The following RAB11FIP1 variants were observed in gnomAD, a reference collection of about 807,000 sequenced individuals.
The protein encoded by RAB11FIP1 is RAB11 family interacting protein 1, also known as rab11 family-interacting protein 1.
In RAB11FIP1, 49 loss-of-function variants were observed where a neutral mutation model predicts 83.1. That is an observed-to-expected ratio of 0.59 (90% CI 0.47 to 0.75). RAB11FIP1 has a LOEUF of 0.75. RAB11FIP1 is among the 30% of genes least tolerant of loss of function. The probability of loss-of-function intolerance (pLI) is 0.00; values close to 1 mark genes in which losing one functional copy is unlikely to be tolerated. For missense variants in RAB11FIP1, 1,536 were observed against 1,598.7 expected, an observed-to-expected ratio of 0.96 and a Z score of 0.67; for synonymous variants, 670 against 656.0, an observed-to-expected ratio of 1.02 and a Z score of -0.33.
chr8:37,867,457 C>T (rs1195372106), intron 5 of RAB11FIP1, among the ~76,000 whole-genome samples: 1 of 152,198 alleles, frequency 6.6e-6, no homozygotes, highest in African/African-American at 2.4e-5. Context: ...GTAATCCCAA[C>T]ACTTTGGGAG....
rs1585429973 is a variant in RAB11FIP1, at chr8:37,870,635, T to C, written c.3525-107A>G. On this transcript the variant is annotated intron_variant, in intron 4 of 5. Coordinates refer to ENST00000330843, the MANE Select transcript of RAB11FIP1 (RefSeq NM_001002814.3). ...GTAAGCCAGACAAGGGGCAGGTGGGTCACATGCTGCCCTCATCTCTGGGCC... is the reference window on the plus strand; with the variant it reads ...GTAAGCCAGACAAGGGGCAGGTGGGCCACATGCTGCCCTCATCTCTGGGCC... The C allele has an allele frequency of 1.9e-5, 12 of 620,736 alleles. No individual in the cohort carries two copies. The South Asian group carries it at 2.2e-4, about 11-fold the overall frequency. 38.5% of individuals were successfully genotyped at this position (620,736 alleles called of 1,614,324 possible).
Position 37,875,300 on chromosome 8 carries a change from C to T in RAB11FIP1, c.837G>A (p.Ala279=), listed in dbSNP as rs144026346. ...ASDVMSHKRT[A]STDLKQLNQV... is the part of the protein sequence containing the mutation. ...GGTTCAGTTGCTTAAGATCCGTACT[C>T]GCTGTTCTCTTGTGAGACATGACTT... The change falls in exon 3 of 6, where the codon GCG becomes GCA. Residue 279 remains alanine (A), a synonymous_variant. Transcript: ENST00000330843. 35 of 1,612,006 alleles carry T rather than the reference C, an allele frequency of 2.2e-5. No homozygotes were observed. Among genetic ancestry groups the T allele is most frequent in the Non-Finnish European group, 2.7e-5 (32 of 1,179,246 alleles).
In RAB11FIP1 at chr8:37,899,320, G is replaced by T; in HGVS notation, c.122C>A (p.Ala41Glu). 1 of 1,609,584 alleles carries T rather than the reference G, an allele frequency of 6.2e-7. No homozygotes were observed. The highest frequency in any genetic ancestry group is 8.5e-7 in the Non-Finnish European group (1 of 1,178,724). ...RAKGPGGTSDAYAVIQVGKEK... is the reference protein window; with the variant it reads ...RAKGPGGTSDEYAVIQVGKEK... Reference sequence around the variant, plus strand: ...CTTGCCCACCTGGATCACCGCGTACGCGTCGCTCGTGCCCCCGGGGCCCTT... The same window carrying T: ...CTTGCCCACCTGGATCACCGCGTACTCGTCGCTCGTGCCCCCGGGGCCCTT... The change falls in exon 1 of 6, where the codon GCG (alanine) becomes GAG (glutamate). Residue 41 changes from alanine to glutamate, a missense_variant. By Grantham distance (107) the Ala-to-Glu change is moderately radical (BLOSUM62 -1). Transcript: ENST00000330843. The surrounding 1 kb of genome is among the most constrained non-coding windows in gnomAD (Gnocchi z 4.5).
chr8:37,899,139 G>A lies in RAB11FIP1; in HGVS notation c.303C>T (p.Asp101=), dbSNP rs774534880. 1.9e-6 allele frequency: 3 copies of A among 1,544,014 alleles called. No homozygotes were observed. The highest frequency in any genetic ancestry group is 2.8e-5 in the African/African-American group (2 of 71,392). The stretch of plus-strand genomic sequence containing the variant: ...CCACCTCGGCGCGGCCCAGGAACTT[G>A]TCGAGGCCGAGCAGCGCGCGGTGCA... ...TVLHRALLGL[D]KFLGRAEVDL... is the part of the protein sequence containing the mutation. The change falls in exon 1 of 6, where the codon GAC becomes GAT. Residue 101 remains aspartate, a synonymous_variant. Coordinates refer to ENST00000330843, the MANE Select transcript of RAB11FIP1 (RefSeq NM_001002814.3). This position sits in a 1 kb window ranked among gnomAD's most constrained non-coding sequence, Gnocchi z 4.5.
At position 37,877,256 on chromosome 8, in the gene RAB11FIP1, T is replaced by C; in HGVS notation, c.667A>G (p.Lys223Glu). ...AGAGGCGTCTTCTGCAAATTTGACT[T>C]GGAAAGTAAGGTCTTGATCTTTGAT... ...KKSKIKTLLS[K>E]SNLQKTPLSQ... The change falls in exon 2 of 6, where the codon AAG becomes GAG. Residue 223 changes from lysine to glutamate, a missense_variant. Physicochemically the swap from Lys to Glu is moderately conservative, Grantham distance 56. Transcript: ENST00000330843. 1 of 1,614,178 alleles carries C rather than the reference T, an allele frequency of 6.2e-7. No individual in the cohort carries two copies. The highest frequency in any genetic ancestry group is 8.5e-7 in the Non-Finnish European group (1 of 1,180,018).
chr8:37,888,790 CTTTTTT>C (rs35214439), intron 1 of RAB11FIP1, among the ~76,000 whole-genome samples: 9 of 100,650 alleles, frequency 8.9e-5, no homozygotes, highest in Non-Finnish European at 3.9e-5. Flanking sequence ...CGTTCTGCAA[CTTTTTT>C]TTTTTTTTTT....
intron 1 of RAB11FIP1, among the ~76,000 whole-genome samples, chr8:37,895,387 A>G (rs1224667997): frequency 1.4e-5 from 2 of 142,146 alleles, no homozygotes; most frequent in African/African-American, 5.3e-5. Flanking sequence ...CTAGGATTAC[A>G]GGTAGGAACC....
At position 37,859,142 on chromosome 8, in the gene RAB11FIP1, G is replaced by T. The variant is rs531461071; in HGVS notation, c.*3753C>A. The T allele has an allele frequency of 6.6e-6, 1 of 151,812 alleles. No individual in the cohort carries two copies. The highest frequency in any genetic ancestry group is 1.5e-5 in the Non-Finnish European group (1 of 68,046). The allele number at this position is 151,812 out of a possible 1,614,324, so 9.4% of individuals were successfully genotyped here. A position where few individuals can be genotyped will look rare whatever the true frequency, so the allele number is the denominator to read the frequency against. ...AAGTAGCTCACACAGTAGATATGGA[G>T]ACACCATATGGAGATACGGAGTTAA... On this transcript the variant is annotated 3_prime_UTR_variant, in exon 6 of 6. Coordinates refer to ENST00000330843, the MANE Select transcript of RAB11FIP1 (RefSeq NM_001002814.3).
At position 37,867,689 on chromosome 8, in the gene RAB11FIP1, CA is replaced by C. The variant is rs530653185; in HGVS notation, c.3633+2730del. The stretch of plus-strand genomic sequence containing the variant: ...ACCATTGCACTCCAGCCTGATCAAC[CA>C]GAGCGAAAATCCATCAAAAAAGAAA... On this transcript the variant is annotated intron_variant, in intron 5 of 5. Transcript: ENST00000330843. Among the ~76,000 whole-genome samples, 8 of 148,664 alleles carry C rather than the reference CA, an allele frequency of 5.4e-5. No homozygotes were observed. The South Asian group carries it at 1.7e-3, about 32-fold the overall frequency.
rs563489654 is a variant in RAB11FIP1, at chr8:37,890,289, G to A, written c.371+8782C>T. On this transcript the variant is annotated intron_variant, in intron 1 of 5. Transcript: ENST00000330843. ...CCTCTTTAGACCAGGCTTTCTAGAG[G>A]CCTTAATTGTTCTACCTAGACGCTA... is the stretch of plus-strand genomic sequence containing the variant. Among the ~76,000 whole-genome samples the A allele has an allele frequency of 2.6e-5, 4 of 152,256 alleles. No homozygotes were observed. The East Asian group carries it at 7.7e-4, about 29-fold the overall frequency.
chr8:37,889,517 A>G (rs1160600196), intron 1 of RAB11FIP1, among the ~76,000 whole-genome samples: 1 of 152,200 alleles, frequency 6.6e-6, no homozygotes, highest in Non-Finnish European at 1.5e-5. Context: ...TTGTTCTGTC[A>G]AAGAATATTG....
chr8:37,876,214 AAAGGAAGGAAGGAAGG>A (rs71216633), intron 2 of RAB11FIP1, among the ~76,000 whole-genome samples: 229 of 128,384 alleles, frequency 1.8e-3, no homozygotes, highest in African/African-American at 5.6e-3. Context: ...GAAAAGAAAG[AAAGGAAGGAAGGAAGG>A]AAGGAAGGAA....
In RAB11FIP1 at chr8:37,871,258, C is replaced by G. The variant is rs368769259; in HGVS notation, c.3524+20G>C. The G allele has an allele frequency of 4.4e-6, 7 of 1,580,202 alleles. No homozygotes were observed. Among genetic ancestry groups the G allele is most frequent in the Non-Finnish European group, 6.0e-6 (7 of 1,166,508 alleles). On this transcript the variant is annotated intron_variant, in intron 4 of 5. Coordinates refer to ENST00000330843, the MANE Select transcript of RAB11FIP1 (RefSeq NM_001002814.3). ...GGGACATTGCTCACATTTACATAGACAATCTCCCCCATCTCTCACCTGTGC... is the reference window on the plus strand; with the variant it reads ...GGGACATTGCTCACATTTACATAGAGAATCTCCCCCATCTCTCACCTGTGC...
At chr8:37,886,109 G>C (rs554687187) in intron 1 of RAB11FIP1, among the ~76,000 whole-genome samples, 2 of 152,228 alleles carry the variant, frequency 1.3e-5, no homozygotes, top group South Asian at 2.1e-4. Flanking sequence ...TGATGCCTTC[G>C]GAGATTCAGT....
chr8:37,872,675 G>C lies in RAB11FIP1; in HGVS notation c.2127C>G (p.Phe709Leu). 6.2e-7 allele frequency: 1 copy of C among 1,614,208 alleles called. No homozygotes were observed. The change falls in exon 4 of 6, where the codon TTC becomes TTG. Residue 709 changes from phenylalanine (F) to leucine (L), a missense_variant. By Grantham distance (22) the Phe-to-Leu change is conservative. Transcript: ENST00000330843. ...TGRQEEELPRFPCKKQDYSPS... is the reference protein window; with the variant it reads ...TGRQEEELPRLPCKKQDYSPS... Reference sequence around the variant, plus strand: ...GGCTGTAGTCTTGTTTTTTGCAGGGGAATCTCGGAAGTTCTTCCTCTTGTC... The same window carrying C: ...GGCTGTAGTCTTGTTTTTTGCAGGGCAATCTCGGAAGTTCTTCCTCTTGTC...
intron 5 of RAB11FIP1, among the ~76,000 whole-genome samples, chr8:37,865,270 A>C (rs1268635393): frequency 6.6e-6 from 1 of 151,800 alleles, no homozygotes; most frequent in African/African-American, 2.4e-5. Flanking sequence ...TCATATAATT[A>C]ATTCCAACAC....
chr8:37,864,015 C>T (rs75993880), intron 5 of RAB11FIP1, among the ~76,000 whole-genome samples: 3,873 of 152,328 alleles, frequency 0.025, 74 homozygotes, highest in Non-Finnish European at 0.035. Flanking sequence ...GCCAAAGCTG[C>T]GCTCAGAAGG....
chr8:37,866,249 C>T (rs1163335828), intron 5 of RAB11FIP1, among the ~76,000 whole-genome samples: 2 of 151,802 alleles, frequency 1.3e-5, no homozygotes, highest in African/African-American at 4.8e-5. Context: ...GCAGGAGAAT[C>T]GCTTGAACTC....
In RAB11FIP1 at chr8:37,875,342, A is replaced by C. The variant is rs1278037515; in HGVS notation, c.815-20T>G. The C allele has an allele frequency of 6.3e-7, 1 of 1,577,480 alleles. No individual in the cohort carries two copies. Among genetic ancestry groups the C allele is most frequent in the Non-Finnish European group, 8.7e-7 (1 of 1,152,038 alleles). Reference sequence around the variant, plus strand: ...ACATGACTTTGGGAAGAAAAAGAACAGAAAGGGGATAAGATGTTAAACGGG... The same window carrying C: ...ACATGACTTTGGGAAGAAAAAGAACCGAAAGGGGATAAGATGTTAAACGGG... On this transcript the variant is annotated intron_variant, in intron 2 of 5. Coordinates refer to ENST00000330843, the MANE Select transcript of RAB11FIP1 (RefSeq NM_001002814.3).
Sources: gnomAD v4.1 joint callset for allele counts (sites outside exome capture counted in the v4.1 genomes callset) on GRCh38, gnomAD v4.1.1 for gene constraint, Gnocchi (gnomAD v3.1) non-coding constraint, MANE v1.5 for transcripts, NCBI Gene and HGNC (gene_info 2026-07-23, HGNC 2026-07-21) for gene names.